LASP1: variants seen among roughly 807,000 people sequenced by gnomAD.
LASP1 encodes LIM and SH3 domain protein 1.
A neutral mutation model predicts 38.6 loss-of-function variants in LASP1; 10 were observed. The ratio of observed to expected loss-of-function variants is 0.26; its 90% CI spans 0.16 to 0.44. LASP1 has a LOEUF of 0.44. Among genes scored for constraint, LASP1 ranks in the 20% least tolerant of loss-of-function variants. LASP1 has a pLI of 1.00. For missense variants in LASP1, 243 were observed against 375.7 expected, an observed-to-expected ratio of 0.65 and a Z score of 2.92; for synonymous variants, 132 against 140.8, an observed-to-expected ratio of 0.94 and a Z score of 0.44.
chr17:38,911,019 G>A lies in LASP1; in HGVS notation c.358-3306G>A, dbSNP rs568039015. Among the ~76,000 whole-genome samples the A allele has an allele frequency of 7.2e-5, 11 of 152,232 alleles. No individual in the cohort carries two copies. The East Asian group carries it at 1.5e-3, about 21-fold the overall frequency. On this transcript the variant is annotated intron_variant, in intron 4 of 6. Transcript: ENST00000318008. Reference sequence around the variant, plus strand: ...ATTACAGGCGTGAGTCACCGCGCCCGGCCAGGAGACCACATGTTAAGAAGC... The same window carrying A: ...ATTACAGGCGTGAGTCACCGCGCCCAGCCAGGAGACCACATGTTAAGAAGC...
chr17:38,894,039 C>T (rs1430652169), intron 3 of LASP1, among the ~76,000 whole-genome samples: 1 of 152,126 alleles, frequency 6.6e-6, no homozygotes, highest in Non-Finnish European at 1.5e-5. Flanking sequence ...GTGTCTGGGA[C>T]ACCTGGAGCC....
chr17:38,917,684 T>G (rs1256930779), intron 6 of LASP1, among the ~76,000 whole-genome samples: 9 of 145,916 alleles, frequency 6.2e-5, no homozygotes, highest in East Asian at 4.9e-4. Context: ...GTTTTTTCTG[T>G]TTTTTTTTTC....
At chr17:38,882,173 A>G (rs1913972556) in intron 2 of LASP1, among the ~76,000 whole-genome samples, 1 of 152,366 alleles carries the variant, frequency 6.6e-6, no homozygotes, top group East Asian at 1.9e-4. Context: ...CATGCAGCCA[A>G]TGCTGTGGCA....
In LASP1 at chr17:38,919,344, A is replaced by G. The variant is rs1243718590; in HGVS notation, c.*566A>G. 1 of 241,008 alleles carries G rather than the reference A, an allele frequency of 4.1e-6. No individual in the cohort carries two copies. The highest frequency in any genetic ancestry group is 8.2e-6 in the Non-Finnish European group (1 of 122,360). The allele number at this position is 241,008 out of a possible 1,614,324, so 14.9% of individuals were successfully genotyped here. Reference sequence around the variant, plus strand: ...CCCTACCTCCCTCCTCAGGGGCAACAACAGGAGAATGGGGTTCCTGCTGTG... The same window carrying G: ...CCCTACCTCCCTCCTCAGGGGCAACGACAGGAGAATGGGGTTCCTGCTGTG... On this transcript the variant is annotated 3_prime_UTR_variant, in exon 7 of 7. Coordinates refer to ENST00000318008, the MANE Select transcript of LASP1 (RefSeq NM_006148.4).
chr17:38,892,982 C>T (rs1265840804), intron 3 of LASP1, among the ~76,000 whole-genome samples: 4 of 144,592 alleles, frequency 2.8e-5, no homozygotes, highest in East Asian at 1.9e-4. Flanking sequence ...TGCGTGTGCA[C>T]GCATGCACGC....
intron 2 of LASP1, among the ~76,000 whole-genome samples, chr17:38,887,313 A>G (rs1914168463): frequency 1.3e-5 from 2 of 151,924 alleles, no homozygotes; most frequent in South Asian, 4.1e-4. Context: ...TGTTGGGAGG[A>G]GGGTCGTCTC....
intron 2 of LASP1, among the ~76,000 whole-genome samples, chr17:38,885,084 G>A (rs573346980): frequency 3.6e-4 from 55 of 152,252 alleles, no homozygotes; most frequent in African/African-American, 1.3e-3. Flanking sequence ...AAACGAGTTG[G>A]GTTTGAAGGA....
At position 38,920,012 on chromosome 17, in the gene LASP1, C is replaced by G. The variant is rs1388236326; in HGVS notation, c.*1234C>G. ...GAACCCACAGTGAGAGGGGAGGGCT[C>G]CTGGGGCAGAGAAGTTCCTTAGGTT... On this transcript the variant is annotated 3_prime_UTR_variant, in exon 7 of 7. Coordinates refer to ENST00000318008, the MANE Select transcript of LASP1 (RefSeq NM_006148.4). 4 of 535,124 alleles carry G rather than the reference C, an allele frequency of 7.5e-6. No homozygotes were observed. The highest frequency in any genetic ancestry group is 2.2e-5 in the Admixed American group (1 of 45,036). 33.1% of individuals were successfully genotyped at this position (535,124 alleles called of 1,614,324 possible). A position where few individuals can be genotyped will look rare whatever the true frequency, so the allele number is the denominator to read the frequency against.
At chr17:38,908,954 G>A (rs777549224) in intron 4 of LASP1, among the ~76,000 whole-genome samples, 3 of 152,234 alleles carry the variant, frequency 2.0e-5, no homozygotes, top group Admixed American at 6.5e-5. Context: ...GGGCAGGGGC[G>A]TTCCAGGAAA....
In LASP1 at chr17:38,919,873, T is replaced by C. The variant is rs1313318732; in HGVS notation, c.*1095T>C. 2.1e-6 allele frequency: 1 copy of C among 477,684 alleles called. No individual in the cohort carries two copies. Among genetic ancestry groups the C allele is most frequent in the Non-Finnish European group, 4.1e-6 (1 of 245,956 alleles). 29.6% of individuals were successfully genotyped at this position (477,684 alleles called of 1,614,324 possible). The stretch of plus-strand genomic sequence containing the variant: ...TGCAGGTGTCTGACACGCAAGTGTG[T>C]GAGTGTGAGTGTGAGAGATGGGGCG... On this transcript the variant is annotated 3_prime_UTR_variant, in exon 7 of 7. Coordinates refer to ENST00000318008, the MANE Select transcript of LASP1 (RefSeq NM_006148.4).
At chr17:38,870,955 C>T (rs992964575) in intron 1 of LASP1, among the ~76,000 whole-genome samples, 1 of 152,214 alleles carries the variant, frequency 6.6e-6, no homozygotes, top group Non-Finnish European at 1.5e-5. Context: ...GCTGGGCCGT[C>T]CAGCCTGAGC....
chr17:38,899,890 C>T (rs1007888916), intron 4 of LASP1, among the ~76,000 whole-genome samples: 7 of 151,892 alleles, frequency 4.6e-5, no homozygotes, highest in East Asian at 1.9e-4. Context: ...CCACCACCCC[C>T]GGCCAATTTT....
At chr17:38,905,324 C>T (rs1007085970) in intron 4 of LASP1, among the ~76,000 whole-genome samples, 8 of 151,940 alleles carry the variant, frequency 5.3e-5, no homozygotes, top group Non-Finnish European at 7.4e-5. Flanking sequence ...GTCAAGAGAT[C>T]AAGACCATCC....
chr17:38,874,438 G>A (rs1004073252), intron 1 of LASP1, among the ~76,000 whole-genome samples: 72 of 152,170 alleles, frequency 4.7e-4, no homozygotes, highest in Non-Finnish European at 9.0e-4. Context: ...GTTGTGGAGG[G>A]ACTGGCCATT....
Position 38,920,302 on chromosome 17 carries a change from T to C in LASP1, c.*1524T>C. On this transcript the variant is annotated 3_prime_UTR_variant, in exon 7 of 7. Transcript: ENST00000318008. ...CCCTCGGGGGCTCTTCCCCTAGACC[T>C]CCCCCTCACTTACATAAAGCTCCCT... is the stretch of plus-strand genomic sequence containing the variant. 7.8e-6 allele frequency: 3 copies of C among 385,790 alleles called. No homozygotes were observed. The highest frequency in any genetic ancestry group is 5.5e-5 in the South Asian group (2 of 36,120). 23.9% of individuals were successfully genotyped at this position (385,790 alleles called of 1,614,324 possible).
rs904251623 is a variant in LASP1, at chr17:38,885,273, A to G, written c.165-5147A>G. On this transcript the variant is annotated intron_variant, in intron 2 of 6. Transcript: ENST00000318008. Reference sequence around the variant, plus strand: ...TGGACCTCAGTTTCTTCATCTGTAAAACGGCACAATGAGAATGCCAGCCTA... The same window carrying G: ...TGGACCTCAGTTTCTTCATCTGTAAGACGGCACAATGAGAATGCCAGCCTA... Among the ~76,000 whole-genome samples the G allele has an allele frequency of 2.7e-4, 41 of 152,110 alleles. 1 individual carries two copies. The highest frequency in any genetic ancestry group is 1.5e-5 in the Non-Finnish European group (1 of 68,006).
At chr17:38,914,016 A>AT (rs1915035849) in intron 4 of LASP1, among the ~76,000 whole-genome samples, 1 of 151,974 alleles carries the variant, frequency 6.6e-6, no homozygotes, top group Non-Finnish European at 1.5e-5. Context: ...AAAAAAAAAA[A>AT]AGAAAAGGGA....
At chr17:38,892,772 C>T (rs1328364846) in intron 3 of LASP1, among the ~76,000 whole-genome samples, 1 of 152,226 alleles carries the variant, frequency 6.6e-6, no homozygotes, top group African/African-American at 2.4e-5. Context: ...TTGGCAGGGG[C>T]TGCTTCTGCC....
At chr17:38,890,113 A>G (rs1332245288) in intron 2 of LASP1, 1 of 328,652 alleles carries the variant, frequency 3.0e-6, no homozygotes, top group African/African-American at 2.1e-5. Flanking sequence ...GATTATCCCC[A>G]AACAAGGGTA....
Sources: allele counts gnomAD v4.1 joint callset (sites outside exome capture counted in the v4.1 genomes callset), GRCh38; gene constraint gnomAD v4.1.1; transcripts MANE v1.5; gene names NCBI Gene and HGNC (gene_info 2026-07-23, HGNC 2026-07-21).